FOXN3: variants seen among roughly 807,000 people sequenced by gnomAD.
FOXN3 encodes forkhead box protein N3.
Under a neutral mutation model 38.4 loss-of-function variants are expected in FOXN3, and 7 were observed. The observed-to-expected ratio is 0.18, with a 90% CI of 0.10 to 0.34. The LOEUF (loss-of-function observed/expected upper bound fraction) is 0.34, where lower values mean the gene tolerates loss of function less well. FOXN3 is among the 10% of genes least tolerant of loss of function. The pLI is 1.00. For synonymous variants in FOXN3, 230 were observed against 242.2 expected, an observed-to-expected ratio of 0.95 and a Z score of 0.47; for missense variants, 456 against 613.4, an observed-to-expected ratio of 0.74 and a Z score of 2.71.
intron 2 of FOXN3, among the ~76,000 whole-genome samples, chr14:89,393,749 G>A (rs1891023255): frequency 6.6e-6 from 1 of 152,232 alleles, no homozygotes; most frequent in Non-Finnish European, 1.5e-5. Flanking sequence ...CACCTGCAGA[G>A]ATGGCAGGCT....
intron 1 of FOXN3, among the ~76,000 whole-genome samples, chr14:89,475,874 G>A (rs534258423): frequency 4.3e-4 from 65 of 152,288 alleles, no homozygotes; most frequent in African/African-American, 1.5e-3. Flanking sequence ...GACTGATCCA[G>A]GAGAGAGTGT....
At chr14:89,383,447 T>C (rs1890712532) in intron 2 of FOXN3, among the ~76,000 whole-genome samples, 1 of 152,232 alleles carries the variant, frequency 6.6e-6, no homozygotes, top group Non-Finnish European at 1.5e-5. Flanking sequence ...TTCAATAGTT[T>C]CCCAGAGCTG....
chr14:89,196,143 C>T (rs1000398720), intron 4 of FOXN3, among the ~76,000 whole-genome samples: 4 of 152,204 alleles, frequency 2.6e-5, no homozygotes, highest in East Asian at 3.9e-4. Flanking sequence ...GACTGGAAAA[C>T]GGTCACACGT....
At chr14:89,487,463 C>G (rs1270690554) in intron 1 of FOXN3, among the ~76,000 whole-genome samples, 1 of 152,166 alleles carries the variant, frequency 6.6e-6, no homozygotes, top group Non-Finnish European at 1.5e-5. Flanking sequence ...TTGGCCCCTA[C>G]CTGATATCTA....
At chr14:89,547,680 A>G (rs1024360934) in intron 1 of FOXN3, among the ~76,000 whole-genome samples, 5 of 152,030 alleles carry the variant, frequency 3.3e-5, no homozygotes, top group African/African-American at 1.2e-4. Context: ...GTTACCTCCT[A>G]GTTTGCCCAT....
At chr14:89,598,446 T>C (rs1442908860) in intron 1 of FOXN3, among the ~76,000 whole-genome samples, 1 of 152,158 alleles carries the variant, frequency 6.6e-6, no homozygotes, top group Non-Finnish European at 1.5e-5. Flanking sequence ...AATTATTTAT[T>C]CATTTATTTT....
chr14:89,167,471 T>C (rs1887272086), intron 5 of FOXN3, among the ~76,000 whole-genome samples: 1 of 152,236 alleles, frequency 6.6e-6, no homozygotes, highest in African/African-American at 2.4e-5. Flanking sequence ...TTGAGGACTC[T>C]GATCTTTTGC....
At chr14:89,271,315 A>C (rs1469816179) in intron 4 of FOXN3, among the ~76,000 whole-genome samples, 4 of 152,270 alleles carry the variant, frequency 2.6e-5, no homozygotes, top group African/African-American at 9.6e-5. Flanking sequence ...ACAGTTCAAC[A>C]GAATTTCAAG....
chr14:89,217,410 G>C (rs1351653518), intron 4 of FOXN3, among the ~76,000 whole-genome samples: 1 of 152,150 alleles, frequency 6.6e-6, no homozygotes, highest in Non-Finnish European at 1.5e-5. Context: ...AAAGTGCTGG[G>C]ATTACAGGCA....
At chr14:89,361,407 T>A (rs554396709) in intron 2 of FOXN3, among the ~76,000 whole-genome samples, 6 of 136 alleles carry the variant, frequency 0.044, 1 homozygote, top group Admixed American at 0.083. Flanking sequence ...CAGCACCACC[T>A]CCACCACCAC....
chr14:89,459,316 T>A lies in FOXN3; in HGVS notation c.-14-46826A>T, dbSNP rs977090658. On this transcript the variant is annotated intron_variant, in intron 1 of 6. Transcript: ENST00000345097. ...AACTCCTAAAAGGTCACATTATTTCTTGACAATCCACTGAGGAGCTAGGCC... is the reference window on the plus strand; with the variant it reads ...AACTCCTAAAAGGTCACATTATTTCATGACAATCCACTGAGGAGCTAGGCC... Among the ~76,000 whole-genome samples, 3 of 152,220 alleles carry A rather than the reference T, an allele frequency of 2.0e-5. No individual in the cohort carries two copies. In the South Asian group the frequency reaches 6.2e-4, roughly 32 times the overall value.
intron 5 of FOXN3, among the ~76,000 whole-genome samples, chr14:89,177,093 C>T (rs996557244): frequency 1.3e-5 from 2 of 151,694 alleles, no homozygotes; most frequent in Non-Finnish European, 2.9e-5. Context: ...TCACTGCAAC[C>T]TCCACCTCCT....
At chr14:89,240,992 T>TAATC (rs1885124789) in intron 4 of FOXN3, among the ~76,000 whole-genome samples, 1 of 152,162 alleles carries the variant, frequency 6.6e-6, no homozygotes. Context: ...CCACCCACAA[T>TAATC]AATCACTCTT....
intron 1 of FOXN3, among the ~76,000 whole-genome samples, chr14:89,458,085 C>G (rs1892765442): frequency 6.6e-6 from 1 of 151,058 alleles, no homozygotes; most frequent in Non-Finnish European, 1.5e-5. Flanking sequence ...TGTGTCTCAC[C>G]TGCTGAACAT....
intron 1 of FOXN3, among the ~76,000 whole-genome samples, chr14:89,572,047 A>C (rs536870832): frequency 6.6e-6 from 1 of 152,360 alleles, no homozygotes; most frequent in East Asian, 1.9e-4. Context: ...AATTAGAAGT[A>C]GAGTTTTGAT....
intron 4 of FOXN3, among the ~76,000 whole-genome samples, chr14:89,226,021 GA>G (rs1884626037): frequency 6.7e-6 from 1 of 148,484 alleles, no homozygotes; most frequent in East Asian, 2.0e-4. Context: ...AATTTTAAAT[GA>G]AGAATAAGAG....
intron 3 of FOXN3, among the ~76,000 whole-genome samples, chr14:89,294,217 G>A (rs1175806102): frequency 6.6e-6 from 1 of 152,108 alleles, no homozygotes; most frequent in East Asian, 1.9e-4. Flanking sequence ...CCCACAGCAG[G>A]CCGCCCTGCC....
chr14:89,527,243 G>A (rs1566687335), intron 1 of FOXN3, among the ~76,000 whole-genome samples: 1 of 152,076 alleles, frequency 6.6e-6, no homozygotes, highest in Non-Finnish European at 1.5e-5. Context: ...AATTCAAAAT[G>A]GACAACAGAA....
chr14:89,523,356 T>C (rs7154549), intron 1 of FOXN3, among the ~76,000 whole-genome samples: 11,857 of 152,176 alleles, frequency 0.078, 689 homozygotes, highest in East Asian at 0.26. Context: ...ATCAACCAAA[T>C]TGGGCTAATA....
Sources: gnomAD v4.1 joint callset for allele counts (sites outside exome capture counted in the v4.1 genomes callset) on GRCh38, gnomAD v4.1.1 for gene constraint, MANE v1.5 for transcripts, NCBI Gene and HGNC (gene_info 2026-07-23, HGNC 2026-07-21) for gene names.